The following ZNF532 variants were observed in gnomAD, a reference collection of about 807,000 sequenced individuals.
ZNF532 encodes zinc finger protein 532.
Under a neutral mutation model 89.3 loss-of-function variants are expected in ZNF532, and 22 were observed. The ratio of observed to expected loss-of-function variants is 0.25; its 90% CI spans 0.18 to 0.35. ZNF532 has a LOEUF of 0.35. Ranked by LOEUF, ZNF532 falls within the 10% of genes least tolerant of loss-of-function variation. The pLI is 1.00. For missense variants in ZNF532, 1,132 were observed against 1,643.4 expected (o/e 0.69, Z 5.38); for synonymous variants, 606 against 649.6 (o/e 0.93, Z 1.02).
chr18:58,945,783 A>G (rs1388659880), intron 5 of ZNF532, among the ~76,000 whole-genome samples: 1 of 151,118 alleles, frequency 6.6e-6, no homozygotes, highest in African/African-American at 2.4e-5. Context: ...GCTAGAGTGC[A>G]GCAGCGTGGT....
At chr18:58,911,164 A>G (rs2060259943) in intron 2 of ZNF532, among the ~76,000 whole-genome samples, 1 of 152,224 alleles carries the variant, frequency 6.6e-6, no homozygotes, top group Admixed American at 6.5e-5. Context: ...GCGTGGCAAG[A>G]GGACAGAGCA....
At chr18:58,893,359 T>C (rs1356688813) in intron 2 of ZNF532, among the ~76,000 whole-genome samples, 2 of 152,210 alleles carry the variant, frequency 1.3e-5, no homozygotes, top group African/African-American at 4.8e-5. Flanking sequence ...TAGTTTGCTT[T>C]AGAAATGAGA....
At chr18:58,888,076 CTCTAA>C (rs1342208850) in intron 2 of ZNF532, among the ~76,000 whole-genome samples, 2 of 152,134 alleles carry the variant, frequency 1.3e-5, no homozygotes, top group South Asian at 2.1e-4. Flanking sequence ...TGGGATTATG[CTCTAA>C]TCTAAATTAT....
chr18:58,886,036 G>A (rs868270565), intron 2 of ZNF532, among the ~76,000 whole-genome samples: 2 of 151,992 alleles, frequency 1.3e-5, no homozygotes, highest in South Asian at 2.1e-4. Context: ...GTGTGTAGTG[G>A]CGCCATCTCA....
At chr18:58,946,217 G>C (rs754298222) in intron 5 of ZNF532, among the ~76,000 whole-genome samples, 3 of 149,968 alleles carry the variant, frequency 2.0e-5, no homozygotes, top group Non-Finnish European at 4.4e-5. Flanking sequence ...GTTATCTTCT[G>C]TTTTAATTTG....
intron 3 of ZNF532, among the ~76,000 whole-genome samples, chr18:58,921,669 A>G (rs2061097595): frequency 6.6e-6 from 1 of 152,208 alleles, no homozygotes; most frequent in Non-Finnish European, 1.5e-5. Context: ...TATCTCCATC[A>G]TTTGCTACTT....
At chr18:58,964,750 C>G (rs1291238189) in intron 7 of ZNF532, among the ~76,000 whole-genome samples, 2 of 151,802 alleles carry the variant, frequency 1.3e-5, no homozygotes, top group Non-Finnish European at 2.9e-5. Flanking sequence ...CCATGCCTGG[C>G]TAATTTTTAT....
intron 5 of ZNF532, among the ~76,000 whole-genome samples, chr18:58,941,229 G>T (rs546059822): frequency 2.0e-5 from 3 of 152,040 alleles, no homozygotes; most frequent in Non-Finnish European, 4.4e-5. Flanking sequence ...CAGTTTTCAG[G>T]ACTGTTAGAC....
At chr18:58,890,806 C>G (rs759219557) in intron 2 of ZNF532, among the ~76,000 whole-genome samples, 6 of 151,802 alleles carry the variant, frequency 4.0e-5, no homozygotes, top group Non-Finnish European at 8.8e-5. Context: ...ACCTCTTCTT[C>G]CCGGTAGGTA....
At chr18:58,879,983 C>A (rs2057755086) in intron 2 of ZNF532, among the ~76,000 whole-genome samples, 1 of 151,996 alleles carries the variant, frequency 6.6e-6, no homozygotes, top group African/African-American at 2.4e-5. Flanking sequence ...TACGTGGATT[C>A]TAGGGGCAAG....
At chr18:58,983,713 C>T (rs1332118236) in intron 9 of ZNF532, among the ~76,000 whole-genome samples, 1 of 149,010 alleles carries the variant, frequency 6.7e-6, no homozygotes, top group Admixed American at 6.8e-5. Context: ...CCACAAATTT[C>T]AGGAAGCTAG....
intron 2 of ZNF532, among the ~76,000 whole-genome samples, chr18:58,895,327 G>T (rs890469509): frequency 3.3e-5 from 5 of 152,212 alleles, no homozygotes; most frequent in Non-Finnish European, 7.3e-5. Flanking sequence ...CCCAGATGCT[G>T]TTAGGGAAAA....
At chr18:58,866,278 C>G (rs914530909) in intron 2 of ZNF532, among the ~76,000 whole-genome samples, 1 of 152,138 alleles carries the variant, frequency 6.6e-6, no homozygotes, top group East Asian at 1.9e-4. Context: ...CTTTAAAGAT[C>G]GCAGTTAGGT....
intron 5 of ZNF532, among the ~76,000 whole-genome samples, chr18:58,942,076 G>A (rs2063146665): frequency 1.4e-5 from 2 of 144,156 alleles, no homozygotes; most frequent in Non-Finnish European, 3.0e-5. Context: ...AGGCTGGAGT[G>A]CAGTGGCACG....
At chr18:58,948,838 T>C (rs1379075795) in intron 6 of ZNF532, among the ~76,000 whole-genome samples, 2 of 152,226 alleles carry the variant, frequency 1.3e-5, no homozygotes, top group African/African-American at 4.8e-5. Flanking sequence ...ATTATAGGCA[T>C]GAGCCACCGC....
chr18:58,955,037 G>A (rs1375251492), intron 7 of ZNF532, among the ~76,000 whole-genome samples: 4 of 152,050 alleles, frequency 2.6e-5, no homozygotes, highest in Non-Finnish European at 4.4e-5. Context: ...TTTTGACACC[G>A]TTTAACTTGT....
At position 58,889,684 on chromosome 18, in the gene ZNF532, A is replaced by T. The variant is rs376070639; in HGVS notation, c.-18+24105A>T. On this transcript the variant is annotated intron_variant, in intron 2 of 9. Coordinates refer to ENST00000591808, the MANE Select transcript of ZNF532 (RefSeq NM_001375912.1). ...GCTACTCGGGAGGCTGAGGCAGAAG[A>T]CTCTCTTGAACCCAGGGGGTGGAGG... 3.9e-4 allele frequency among the ~76,000 whole-genome samples: 59 copies of T among 151,738 alleles called. 1 individual carries two copies. Among genetic ancestry groups the T allele is most frequent in the African/African-American group, 1.4e-3 (56 of 41,334 alleles).
chr18:58,939,772 C>CCTG, intron 5 of ZNF532, 151 bp downstream of exon 5: 1 of 605,734 alleles, frequency 1.7e-6, no homozygotes. Context: ...CAGCTCATAG[C>CCTG]TCATCCAAAT....
chr18:58,980,768 GA>G (rs2067669435), intron 8 of ZNF532: 1 of 152,042 alleles, frequency 6.6e-6, no homozygotes, highest in Non-Finnish European at 1.5e-5. Flanking sequence ...TCAGCCTCCC[GA>G]GTAGCTGGGA....
Sources: allele counts gnomAD v4.1 joint callset (sites outside exome capture counted in the v4.1 genomes callset), GRCh38; gene constraint gnomAD v4.1.1; transcripts MANE v1.5; gene names NCBI Gene and HGNC (gene_info 2026-07-23, HGNC 2026-07-21).